C14orf93: variants seen among roughly 807,000 people sequenced by gnomAD.
C14orf93 encodes the protein chromosome 14 open reading frame 93.
Under a neutral mutation model 44.0 loss-of-function variants are expected in C14orf93, and 23 were observed. The observed-to-expected ratio is 0.52, with a 90% CI of 0.38 to 0.74. The LOEUF is 0.74. C14orf93 is among the 30% of genes least tolerant of loss of function. C14orf93 has a pLI of 0.00. For missense variants in C14orf93, 579 were observed against 678.9 expected (o/e 0.85, Z 1.64); for synonymous variants, 253 against 265.7 (o/e 0.95, Z 0.46).
chr14:22,992,465 CA>C (rs58974559), intron 3 of C14orf93, among the ~76,000 whole-genome samples: 3,206 of 71,126 alleles, frequency 0.045, 111 homozygotes, highest in African/African-American at 0.11. Flanking sequence ...GACTCTGTTT[CA>C]AAAAAAAAAA....
Position 22,998,436 on chromosome 14 carries a change from C to T in C14orf93, c.588G>A (p.Leu196=). The change falls in exon 2 of 7, where the codon CTG becomes CTA. Residue 196 remains leucine, a synonymous_variant. Coordinates refer to ENST00000299088, the MANE Select transcript of C14orf93 (RefSeq NM_021944.4). ...CTLAASEAAP[L]LNPLVDDYVA... is the part of the protein sequence containing the mutation. ...CTGCTGCCATACTCACAGGATTGAG[C>T]AGGGGGGCCGCCTCGCTGGCAGCCA... The T allele has an allele frequency of 6.4e-7, 1 of 1,570,848 alleles. No individual in the cohort carries two copies. Among genetic ancestry groups the T allele is most frequent in the Non-Finnish European group, 8.6e-7 (1 of 1,156,754 alleles).
At chr14:22,995,541 G>T (rs893332540) in intron 3 of C14orf93, among the ~76,000 whole-genome samples, 7 of 152,018 alleles carry the variant, frequency 4.6e-5, no homozygotes, top group African/African-American at 1.7e-4. Flanking sequence ...TTAGCTGGGG[G>T]TGGTGGCACG....
At position 22,996,007 on chromosome 14, in the gene C14orf93, A is replaced by T; in HGVS notation, c.859T>A (p.Cys287Ser). The T allele has an allele frequency of 3.7e-6, 6 of 1,612,954 alleles. No homozygotes were observed. The highest frequency in any genetic ancestry group is 5.1e-6 in the Non-Finnish European group (6 of 1,179,164). The change falls in exon 3 of 7, where the codon TGC becomes AGC. Residue 287 changes from cysteine (C) to serine (S), a missense_variant. By Grantham distance (112) the Cys-to-Ser change is moderately radical. Coordinates refer to ENST00000299088, the MANE Select transcript of C14orf93 (RefSeq NM_021944.4). This position sits in a 1 kb window ranked among gnomAD's most constrained non-coding sequence, Gnocchi z 4.1. ...TTCTGCCCACTTCCTCTGGTCCTGC[A>T]TGGGGAAACGGTCAGCCCTAGAGAG... The part of the protein sequence containing the change: ...RHSLGLTVSP[C>S]RTRGSGQKNS...
chr14:22,988,404 C>T (rs1240740562), intron 5 of C14orf93, among the ~76,000 whole-genome samples: 5 of 152,162 alleles, frequency 3.3e-5, no homozygotes, highest in African/African-American at 9.7e-5. Flanking sequence ...GGATTACAGG[C>T]GTGAGCAGCC....
At chr14:22,989,026 A>G (rs1374966596) in intron 5 of C14orf93, among the ~76,000 whole-genome samples, 1 of 152,170 alleles carries the variant, frequency 6.6e-6, no homozygotes, top group Non-Finnish European at 1.5e-5. Flanking sequence ...GTTTGCCCAC[A>G]GTGGAGTTCA....
intron 2 of C14orf93, 44 bp downstream of exon 2, chr14:22,998,373 GTGAAAAGCCA>G: frequency 1.4e-5 from 20 of 1,446,228 alleles, no homozygotes; most frequent in Non-Finnish European, 1.7e-5. Flanking sequence ...AGGAAAAAGA[GTGAAAAGCCA>G]GGAAAAGCAC....
At position 22,987,047 on chromosome 14, in the gene C14orf93, T is replaced by C; in HGVS notation, c.*168A>G. ...GAGTTTCTCCCCTTCTAGATAAGTT[T>C]TTATCCCACCAGTGTTCTGCTTCCC... is the stretch of plus-strand genomic sequence containing the variant. On this transcript the variant is annotated 3_prime_UTR_variant, in exon 7 of 7. Transcript: ENST00000299088. This position sits in a 1 kb window ranked among gnomAD's most constrained non-coding sequence, Gnocchi z 5.6. The C allele has an allele frequency of 1.4e-6, 1 of 718,608 alleles. No individual in the cohort carries two copies. The highest frequency in any genetic ancestry group is 2.2e-6 in the Non-Finnish European group (1 of 445,078). The allele number at this position is 718,608 out of a possible 1,614,324, so 44.5% of individuals were successfully genotyped here.
rs560266529 is a variant in C14orf93 at position 22,997,200 on chromosome 14, G to A, written c.598-932C>T. Among the ~76,000 whole-genome samples the A allele has an allele frequency of 3.0e-4, 46 of 152,288 alleles. 1 individual carries two copies. In the South Asian group the frequency reaches 6.8e-3, roughly 23 times the overall value. ...TCCTCCCTTGAGCTGGAACCACGGA[G>A]AGTCCTGACCAGCCACAGACTGGGG... is the stretch of plus-strand genomic sequence containing the variant. On this transcript the variant is annotated intron_variant, in intron 2 of 6. Coordinates refer to ENST00000299088, the MANE Select transcript of C14orf93 (RefSeq NM_021944.4).
chr14:23,006,199 C>G (rs1215224461), intron 1 of C14orf93: 1 of 152,144 alleles, frequency 6.6e-6, no homozygotes, highest in Admixed American at 6.5e-5. Context: ...TTGGTCAGTC[C>G]TACTCCTCCA....
At position 23,008,041 on chromosome 14, in the gene C14orf93, T is replaced by C. The variant is rs557159503; in HGVS notation, c.-380+2060A>G. ...GGTGGCACATGCCTGTAATCCCAGC[T>C]ACTCGGGAGGCCGAGACAGGAGAAT... On this transcript the variant is annotated intron_variant, in intron 1 of 6. Coordinates refer to ENST00000299088, the MANE Select transcript of C14orf93 (RefSeq NM_021944.4). 2.0e-5 allele frequency among the ~76,000 whole-genome samples: 3 copies of C among 151,322 alleles called. No homozygotes were observed. The South Asian group carries it at 6.3e-4, about 32-fold the overall frequency.
At position 22,998,631 on chromosome 14, in the gene C14orf93, G is replaced by T. The variant is rs775329072; in HGVS notation, c.393C>A (p.Pro131=). 3 of 1,613,768 alleles carry T rather than the reference G, an allele frequency of 1.9e-6. No homozygotes were observed. Among genetic ancestry groups the T allele is most frequent in the African/African-American group, 2.7e-5 (2 of 74,920 alleles). ...CAGACAGAGCCTTAAAGGCTTCCCC[G>T]GGACTTTCCTTGAGAGGCCCAGGCT... ...PEEPGPLKES[P]GEAFKALSAV... The change falls in exon 2 of 7, where the codon CCC becomes CCA. Residue 131 remains proline (P), a synonymous_variant. Coordinates refer to ENST00000299088, the MANE Select transcript of C14orf93 (RefSeq NM_021944.4).
At chr14:22,989,221 G>A (rs886745291) in intron 5 of C14orf93, among the ~76,000 whole-genome samples, 4 of 152,144 alleles carry the variant, frequency 2.6e-5, no homozygotes, top group African/African-American at 9.7e-5. Context: ...TCGAACTCCT[G>A]GACTGAAATA....
At position 22,996,367 on chromosome 14, in the gene C14orf93, A is replaced by G; in HGVS notation, c.598-99T>C. On this transcript the variant is annotated intron_variant, in intron 2 of 6. Coordinates refer to ENST00000299088, the MANE Select transcript of C14orf93 (RefSeq NM_021944.4). This position sits in a 1 kb window ranked among gnomAD's most constrained non-coding sequence, Gnocchi z 4.1. ...TAAGAATAGTGAACAGAAAGTGGAAAGAAGGGGAACTCTAGCACAGTCTTT... is the reference window on the plus strand; with the variant it reads ...TAAGAATAGTGAACAGAAAGTGGAAGGAAGGGGAACTCTAGCACAGTCTTT... 2 of 1,232,440 alleles carry G rather than the reference A, an allele frequency of 1.6e-6. No homozygotes were observed. The highest frequency in any genetic ancestry group is 2.2e-6 in the Non-Finnish European group (2 of 900,522). 76.3% of individuals were successfully genotyped at this position (1,232,440 alleles called of 1,614,324 possible). A position where few individuals can be genotyped will look rare whatever the true frequency, so the allele number is the denominator to read the frequency against.
intron 1 of C14orf93, chr14:23,000,053 C>G (rs1052222833): frequency 4.6e-5 from 7 of 152,312 alleles, no homozygotes; most frequent in Admixed American, 6.5e-5. Flanking sequence ...CTTCATTTCT[C>G]AAGCTCCTTA....
intron 1 of C14orf93, among the ~76,000 whole-genome samples, chr14:23,008,852 C>G (rs1360871452): frequency 1.3e-5 from 2 of 152,220 alleles, no homozygotes; most frequent in African/African-American, 4.8e-5. Context: ...GCCTTTGCAT[C>G]CTCTTGGCTC....
At chr14:23,008,154 C>CAAAA (rs55936083) in intron 1 of C14orf93, among the ~76,000 whole-genome samples, 2 of 85,062 alleles carry the variant, frequency 2.4e-5, no homozygotes, top group African/African-American at 3.3e-5. Flanking sequence ...AACTCCGTTT[C>CAAAA]AAAAAAAAAA....
Position 22,998,814 on chromosome 14 carries a change from A to T in C14orf93, c.210T>A (p.Asp70Glu), listed in dbSNP as rs765989872. 6.2e-7 allele frequency: 1 copy of T among 1,614,174 alleles called. No homozygotes were observed. Among genetic ancestry groups the T allele is most frequent in the South Asian group, 1.1e-5 (1 of 91,064 alleles). ...QLLHVIYQRV[D>E]KAVGLAEAAL... is the part of the protein sequence containing the mutation. ...CAGCTTCAGCCAAACCCACTGCCTTATCGACCCGCTGGTAGATAACATGCA... is the reference window on the plus strand; with the variant it reads ...CAGCTTCAGCCAAACCCACTGCCTTTTCGACCCGCTGGTAGATAACATGCA... The change falls in exon 2 of 7, where the codon GAT (aspartate) becomes GAA (glutamate). Residue 70 changes from aspartate to glutamate, a missense_variant. By Grantham distance (45) the Asp-to-Glu change is conservative. Transcript: ENST00000299088.
chr14:22,999,695 T>C (rs138515252), intron 1 of C14orf93, among the ~76,000 whole-genome samples: 191 of 152,340 alleles, frequency 1.3e-3, no homozygotes, highest in African/African-American at 4.4e-3. Flanking sequence ...TTTTAACTGA[T>C]ACCACTTTTT....
intron 1 of C14orf93, among the ~76,000 whole-genome samples, chr14:23,001,272 T>C (rs935819509): frequency 1.3e-5 from 2 of 152,228 alleles, no homozygotes; most frequent in Non-Finnish European, 2.9e-5. Context: ...ATAATAGTAT[T>C]CAAATGCTTG....
Sources: gnomAD v4.1 joint callset for allele counts (sites outside exome capture counted in the v4.1 genomes callset) on GRCh38, gnomAD v4.1.1 for gene constraint, Gnocchi (gnomAD v3.1) non-coding constraint, MANE v1.5 for transcripts, NCBI Gene and HGNC (gene_info 2026-07-23, HGNC 2026-07-21) for gene names.